IKZF1: variants seen among roughly 807,000 people sequenced by gnomAD.
IKZF1 encodes the protein DNA-binding protein Ikaros.
A neutral mutation model predicts 51.7 loss-of-function variants in IKZF1; 10 were observed. That is an observed-to-expected ratio of 0.19 (90% CI 0.12 to 0.33). The LOEUF (loss-of-function observed/expected upper bound fraction) is 0.33, where lower values mean the gene tolerates loss of function less well. Ranked by LOEUF, IKZF1 falls within the 10% of genes least tolerant of loss-of-function variation. The probability of loss-of-function intolerance (pLI) is 1.00; values close to 1 mark genes in which losing one functional copy is unlikely to be tolerated. For synonymous variants in IKZF1, 280 were observed against 282.3 expected (o/e 0.99, Z 0.08); for missense variants, 484 against 707.5 (o/e 0.68, Z 3.58).
chr7:50,316,569 C>T (rs566298664), intron 1 of IKZF1, among the ~76,000 whole-genome samples: 193 of 152,342 alleles, frequency 1.3e-3, no homozygotes, highest in Admixed American at 3.9e-3. Context: ...ACCCCTAGCT[C>T]CCTCCAGGAG....
chr7:50,351,903 A>AT (rs1801953943), intron 3 of IKZF1, among the ~76,000 whole-genome samples: 1 of 152,166 alleles, frequency 6.6e-6, no homozygotes. Context: ...ACTTTCTTGA[A>AT]AACGCTTCAG....
chr7:50,307,363 C>A (rs564081091), intron 1 of IKZF1, among the ~76,000 whole-genome samples: 1 of 152,136 alleles, frequency 6.6e-6, no homozygotes, highest in African/African-American at 2.4e-5. Context: ...GTAAGTGGCT[C>A]CACTCCAGCT....
intron 3 of IKZF1, among the ~76,000 whole-genome samples, chr7:50,347,196 A>T (rs560785576): frequency 2.0e-5 from 3 of 152,322 alleles, no homozygotes; most frequent in African/African-American, 7.2e-5. Context: ...TGTCCTTGAG[A>T]TGCTATTTCC....
At position 50,401,338 on chromosome 7, in the gene IKZF1, G is replaced by T; in HGVS notation, c.*711G>T. The T allele has an allele frequency of 4.3e-6, 1 of 229,980 alleles. No individual in the cohort carries two copies. Among genetic ancestry groups the T allele is most frequent in the Non-Finnish European group, 8.6e-6 (1 of 115,884 alleles). The allele number at this position is 229,980 out of a possible 1,614,324, so 14.2% of individuals were successfully genotyped here. On this transcript the variant is annotated 3_prime_UTR_variant, in exon 8 of 8. Coordinates refer to ENST00000331340, the MANE Select transcript of IKZF1 (RefSeq NM_006060.6). The stretch of plus-strand genomic sequence containing the variant: ...CTTTGGGATCGTCCTGGATTCACTG[G>T]CTTTGCGGAGGCTGCTCAGATGGCC...
At chr7:50,331,482 G>C (rs919621973) in intron 3 of IKZF1, among the ~76,000 whole-genome samples, 1 of 151,576 alleles carries the variant, frequency 6.6e-6, no homozygotes, top group Non-Finnish European at 1.5e-5. Context: ...ATAATAGATT[G>C]CAAGAGTGTC....
At chr7:50,389,951 G>T (rs1339873451) in intron 6 of IKZF1, among the ~76,000 whole-genome samples, 1 of 152,184 alleles carries the variant, frequency 6.6e-6, no homozygotes, top group Non-Finnish European at 1.5e-5. Context: ...GGTGGATTCA[G>T]TAAAATCAAA....
intron 3 of IKZF1, among the ~76,000 whole-genome samples, chr7:50,355,263 C>T (rs1802978477): frequency 1.3e-5 from 2 of 152,184 alleles, no homozygotes; most frequent in African/African-American, 4.8e-5. Flanking sequence ...GGATTTAGTA[C>T]CCTGTGAGAG....
intron 3 of IKZF1, among the ~76,000 whole-genome samples, chr7:50,371,188 C>A (rs1808562125): frequency 6.6e-6 from 1 of 152,190 alleles, no homozygotes; most frequent in African/African-American, 2.4e-5. Flanking sequence ...CAGCAGGAGC[C>A]TTGCATATCC....
At chr7:50,362,436 T>G (rs1261015709) in intron 3 of IKZF1, among the ~76,000 whole-genome samples, 1 of 152,250 alleles carries the variant, frequency 6.6e-6, no homozygotes, top group African/African-American at 2.4e-5. Flanking sequence ...TTCAGTGGAC[T>G]TGCAAAGCAC....
chr7:50,400,817 A>G lies in IKZF1; in HGVS notation c.*190A>G. Reference sequence around the variant, plus strand: ...TTGATTTGCTTTTGAAAAGATTTTTATTTTTAGAGGCAGGGCTGCATTGGG... The same window carrying G: ...TTGATTTGCTTTTGAAAAGATTTTTGTTTTTAGAGGCAGGGCTGCATTGGG... On this transcript the variant is annotated 3_prime_UTR_variant, in exon 8 of 8. Coordinates refer to ENST00000331340, the MANE Select transcript of IKZF1 (RefSeq NM_006060.6). The surrounding 1 kb of genome is among the most constrained non-coding windows in gnomAD (Gnocchi z 5.4). 1.4e-6 allele frequency: 1 copy of G among 737,434 alleles called. No individual in the cohort carries two copies. The highest frequency in any genetic ancestry group is 2.1e-6 in the Non-Finnish European group (1 of 465,772). The allele number at this position is 737,434 out of a possible 1,614,324, so 45.7% of individuals were successfully genotyped here. A position where few individuals can be genotyped will look rare whatever the true frequency, so the allele number is the denominator to read the frequency against.
chr7:50,363,334 G>A lies in IKZF1; in HGVS notation c.161-13199G>A, dbSNP rs143227475. Among the ~76,000 whole-genome samples, 284 of 152,262 alleles carry A rather than the reference G, an allele frequency of 1.9e-3. 2 individuals are homozygous for A. Among genetic ancestry groups the A allele is most frequent in the African/African-American group, 6.4e-3 (264 of 41,546 alleles). On this transcript the variant is annotated intron_variant, in intron 3 of 7. Coordinates refer to ENST00000331340, the MANE Select transcript of IKZF1 (RefSeq NM_006060.6). ...ACTATGCTGGGGCCATCCAGGATCCGGAGCAGTGTAAGACATCATGGCCTG... is the reference window on the plus strand; with the variant it reads ...ACTATGCTGGGGCCATCCAGGATCCAGAGCAGTGTAAGACATCATGGCCTG...
intron 3 of IKZF1, among the ~76,000 whole-genome samples, chr7:50,369,915 A>T (rs1435265396): frequency 6.6e-6 from 1 of 152,230 alleles, no homozygotes; most frequent in Non-Finnish European, 1.5e-5. Context: ...TCTACATTTT[A>T]AATGATATTA....
intron 3 of IKZF1, among the ~76,000 whole-genome samples, chr7:50,338,895 C>A (rs1798397845): frequency 6.6e-6 from 1 of 152,206 alleles, no homozygotes; most frequent in Admixed American, 6.5e-5. Context: ...ATTTTAAACT[C>A]TTTGCCTGTT....
rs770657999 is a variant in IKZF1 at position 50,400,373 on chromosome 7, G to A, written c.1306G>A (p.Asp436Asn). 26 of 1,612,878 alleles carry A rather than the reference G, an allele frequency of 1.6e-5. No individual in the cohort carries two copies. The highest frequency in any genetic ancestry group is 2.0e-5 in the Non-Finnish European group (24 of 1,179,756). Residue 436 changes from aspartate to asparagine, a missense_variant, in exon 8 of 8, where the codon GAC becomes AAC. Transcript: ENST00000331340. The surrounding 1 kb of genome is among the most constrained non-coding windows in gnomAD (Gnocchi z 5.4). ...GCTCAAGGAGGAGCACCGCGCCTAC[G>A]ACCTGCTGCGCGCCGCCTCCGAGAA... ...LSLKEEHRAY[D>N]LLRAASENSQ... is the part of the protein sequence containing the mutation.
intron 6 of IKZF1, among the ~76,000 whole-genome samples, chr7:50,391,476 G>C (rs1211761529): frequency 6.6e-6 from 1 of 152,222 alleles, no homozygotes; most frequent in Non-Finnish European, 1.5e-5. Context: ...GGTGGTGCCT[G>C]TGCATTTGGA....
intron 7 of IKZF1, chr7:50,394,003 C>T (rs1230026613): frequency 8.6e-6 from 2 of 232,266 alleles, no homozygotes; most frequent in African/African-American, 4.4e-5. Context: ...CTGTGAAACT[C>T]TACTGGAGCC....
intron 7 of IKZF1, among the ~76,000 whole-genome samples, chr7:50,392,833 A>G (rs1001805641): frequency 6.6e-5 from 10 of 152,284 alleles, no homozygotes; most frequent in African/African-American, 2.4e-4. Context: ...TTTAAAATCA[A>G]TGAGAAACCA....
At chr7:50,350,335 A>G (rs924947294) in intron 3 of IKZF1, among the ~76,000 whole-genome samples, 1 of 152,242 alleles carries the variant, frequency 6.6e-6, no homozygotes, top group Non-Finnish European at 1.5e-5. Context: ...AAGCCTGTAC[A>G]GATGTTCCCC....
intron 6 of IKZF1, among the ~76,000 whole-genome samples, chr7:50,389,593 G>A (rs1464236435): frequency 6.6e-6 from 1 of 152,194 alleles, no homozygotes; most frequent in Non-Finnish European, 1.5e-5. Context: ...AATTATTTCT[G>A]TCTGGTATGG....
Sources: allele counts gnomAD v4.1 joint callset (sites outside exome capture counted in the v4.1 genomes callset), GRCh38; gene constraint gnomAD v4.1.1; non-coding constraint Gnocchi (gnomAD v3.1); transcripts MANE v1.5; gene names NCBI Gene and HGNC (gene_info 2026-07-23, HGNC 2026-07-21).